The following SGCD variants were observed in gnomAD, a reference collection of about 807,000 sequenced individuals.
The protein encoded by SGCD is sarcoglycan delta.
SGCD carries 18 observed loss-of-function variants against 36.6 expected under a neutral mutation model. That is an observed-to-expected ratio of 0.49 (90% CI 0.34 to 0.73). The LOEUF is 0.73. Ranked by LOEUF, SGCD falls within the 30% of genes least tolerant of loss-of-function variation. The pLI is 0.01. For synonymous variants in SGCD, 133 were observed against 130.6 expected, an observed-to-expected ratio of 1.02 and a Z score of -0.12; for missense variants, 387 against 346.7, an observed-to-expected ratio of 1.12 and a Z score of -0.92.
intron 3 of SGCD, among the ~76,000 whole-genome samples, chr5:156,205,467 G>T (rs905485947): frequency 2.0e-5 from 3 of 152,074 alleles, no homozygotes; most frequent in African/African-American, 7.2e-5. Context: ...CTAGATTGTT[G>T]CAGATTTTGA....
chr5:156,401,757 T>C (rs888588786), intron 3 of SGCD, among the ~76,000 whole-genome samples: 2 of 125,584 alleles, frequency 1.6e-5, no homozygotes, highest in Non-Finnish European at 3.7e-5. Flanking sequence ...CTTTTCCCTC[T>C]TTTTAAAAAA....
the SGCD span, among the ~76,000 whole-genome samples, chr5:155,814,241 T>G: frequency 6.6e-6 from 1 of 152,124 alleles, no homozygotes; most frequent in Non-Finnish European, 1.5e-5. Context: ...CACTTCAGAG[T>G]TTTCTTGTTT....
chr5:156,576,188 CCTT>C (rs1249303665), intron 4 of SGCD, among the ~76,000 whole-genome samples: 2 of 151,656 alleles, frequency 1.3e-5, no homozygotes, highest in Admixed American at 1.3e-4. Flanking sequence ...GGTTTTCTGT[CCTT>C]CTGATAGTTT....
At chr5:156,687,939 A>G (rs144751377) in intron 7 of SGCD, among the ~76,000 whole-genome samples, 53 of 152,284 alleles carry the variant, frequency 3.5e-4, no homozygotes, top group African/African-American at 1.2e-3. Flanking sequence ...TCTAGGAAGC[A>G]TGAGAAATTT....
At chr5:156,430,969 G>A (rs1167481284) in intron 3 of SGCD, among the ~76,000 whole-genome samples, 1 of 152,194 alleles carries the variant, frequency 6.6e-6, no homozygotes, top group Admixed American at 6.5e-5. Flanking sequence ...GCCAATGGGA[G>A]AGGTATCCCT....
Position 156,078,681 on chromosome 5 carries a change from CGT to C in SGCD, c.-281-39186_-281-39185del, listed in dbSNP as rs374544245. On this transcript the variant is annotated intron_variant, in intron 1 of 9. Coordinates refer to the SGCD transcript ENST00000517913. Reference sequence around the variant, plus strand: ...ATATATATACACACACATATATATGCGTGTGTGTGTGTATGTATATATATATA... The same window carrying C: ...ATATATATACACACACATATATATGCGTGTGTGTGTATGTATATATATATA... Among the ~76,000 whole-genome samples the C allele has an allele frequency of 1.5e-3, 220 of 146,192 alleles. 1 individual carries two copies. The highest frequency in any genetic ancestry group is 5.3e-3 in the African/African-American group (210 of 39,700).
the SGCD span, among the ~76,000 whole-genome samples, chr5:155,806,096 CTT>C: frequency 6.6e-6 from 1 of 152,192 alleles, no homozygotes; most frequent in African/African-American, 2.4e-5. Context: ...GAATGATAGA[CTT>C]TGAAGATTTC....
At chr5:156,618,122 A>T (rs1285103844) in intron 6 of SGCD, among the ~76,000 whole-genome samples, 1 of 152,192 alleles carries the variant, frequency 6.6e-6, no homozygotes, top group Non-Finnish European at 1.5e-5. Context: ...CTGAAGGATT[A>T]TATTTTAGAG....
At chr5:156,065,462 C>G (rs1760320357) in intron 1 of SGCD, among the ~76,000 whole-genome samples, 1 of 114,464 alleles carries the variant, frequency 8.7e-6, no homozygotes, top group Non-Finnish European at 1.8e-5. Flanking sequence ...CTGCTTGGTG[C>G]AGAGCTGAGT....
intron 1 of SGCD, among the ~76,000 whole-genome samples, chr5:156,032,706 C>CAAA (rs1171072619): frequency 0.12 from 1,786 of 15,038 alleles, 427 homozygotes; most frequent in Non-Finnish European, 0.2. Flanking sequence ...GACTCCGTCT[C>CAAA]AAAAAAAAAA....
At chr5:155,985,183 G>A (rs1758306149) in intron 1 of SGCD, among the ~76,000 whole-genome samples, 1 of 152,178 alleles carries the variant, frequency 6.6e-6, no homozygotes, top group South Asian at 2.1e-4. Context: ...TCAGAAGTCT[G>A]GGCATAGGAT....
chr5:156,204,198 A>G (rs901157804), intron 3 of SGCD, among the ~76,000 whole-genome samples: 1 of 152,084 alleles, frequency 6.6e-6, no homozygotes, highest in Non-Finnish European at 1.5e-5. Context: ...CTGCAGCTCC[A>G]GAAGAAAAAC....
intron 7 of SGCD, among the ~76,000 whole-genome samples, chr5:156,677,761 C>A (rs1054982403): frequency 5.9e-4 from 90 of 152,134 alleles, no homozygotes; most frequent in African/African-American, 2.1e-3. Context: ...CTTGCTAAAC[C>A]CTACCACTAT....
intron 3 of SGCD, among the ~76,000 whole-genome samples, chr5:156,381,784 A>T (rs1355123577): frequency 1.3e-5 from 2 of 152,094 alleles, no homozygotes; most frequent in African/African-American, 4.8e-5. Flanking sequence ...AGCTCTAGGG[A>T]CAGTCCGCTC....
chr5:156,691,225 A>AAG (rs1561859678), intron 7 of SGCD, among the ~76,000 whole-genome samples: 12 of 150,388 alleles, frequency 8.0e-5, no homozygotes, highest in Non-Finnish European at 1.3e-4. Context: ...AAAAAAAAAA[A>AAG]AGAGAGAGAC....
rs115716896 is a variant in SGCD, at chr5:156,548,495, T to C, written c.294+39793T>C. 3.3e-3 allele frequency among the ~76,000 whole-genome samples: 503 copies of C among 152,304 alleles called. 1 individual carries two copies. The highest frequency in any genetic ancestry group is 0.01 in the Middle Eastern group (3 of 294). Reference sequence around the variant, plus strand: ...GCATATAGGGTTAAAGACCATAATCTTGGAGGAAATTGGATATAGATAATT... The same window carrying C: ...GCATATAGGGTTAAAGACCATAATCCTGGAGGAAATTGGATATAGATAATT... On this transcript the variant is annotated intron_variant, in intron 4 of 8. Transcript: ENST00000337851.
At chr5:156,098,184 A>C (rs942462501) in intron 1 of SGCD, among the ~76,000 whole-genome samples, 1 of 152,018 alleles carries the variant, frequency 6.6e-6, no homozygotes, top group Non-Finnish European at 1.5e-5. Context: ...GTTTCCCTTT[A>C]TTTTGTTCTG....
chr5:156,200,752 G>A (rs1764127861), intron 3 of SGCD, among the ~76,000 whole-genome samples: 1 of 152,092 alleles, frequency 6.6e-6, no homozygotes, highest in Admixed American at 6.6e-5. Context: ...ATATCGCAAA[G>A]AATTCAAAGC....
chr5:156,620,619 T>C (rs1388095481), intron 6 of SGCD, among the ~76,000 whole-genome samples: 1 of 152,072 alleles, frequency 6.6e-6, no homozygotes, highest in African/African-American at 2.4e-5. Context: ...GGGACAGAGT[T>C]TGACTTCGCA....
Sources: allele counts gnomAD v4.1 joint callset (sites outside exome capture counted in the v4.1 genomes callset), GRCh38; gene constraint gnomAD v4.1.1; transcripts MANE v1.5; gene names NCBI Gene and HGNC (gene_info 2026-07-23, HGNC 2026-07-21).